The following CDKAL1 variants were observed in gnomAD, a reference collection of about 807,000 sequenced individuals.
The protein encoded by CDKAL1 is CDKAL1 threonylcarbamoyladenosine tRNA methylthiotransferase.
A neutral mutation model predicts 68.2 loss-of-function variants in CDKAL1; 32 were observed. The observed-to-expected ratio is 0.47, with a 90% confidence interval of 0.35 to 0.63. CDKAL1 has a LOEUF of 0.63. Ranked by LOEUF, CDKAL1 falls within the 30% of genes least tolerant of loss-of-function variation. The pLI is 0.00. For synonymous variants in CDKAL1, 234 were observed against 244.3 expected, an observed-to-expected ratio of 0.96 and a Z score of 0.39; for missense variants, 606 against 696.7, an observed-to-expected ratio of 0.87 and a Z score of 1.47.
intron 5 of CDKAL1, among the ~76,000 whole-genome samples, chr6:20,712,505 A>G (rs75185183): frequency 1.4e-5 from 2 of 140,610 alleles, no homozygotes; most frequent in Admixed American, 7.0e-5. Context: ...GATGTGTTAG[A>G]AAAAAAAAAA....
chr6:21,176,512 T>G (rs1174791376), intron 13 of CDKAL1, among the ~76,000 whole-genome samples: 1 of 152,162 alleles, frequency 6.6e-6, no homozygotes, highest in South Asian at 2.1e-4. Flanking sequence ...TAAATTATAG[T>G]CTAAAGGAGA....
intron 5 of CDKAL1, among the ~76,000 whole-genome samples, chr6:20,681,597 T>C (rs1422059487): frequency 1.3e-5 from 2 of 152,144 alleles, no homozygotes; most frequent in Non-Finnish European, 2.9e-5. Flanking sequence ...GTGACATAAC[T>C]GGACTCTGTA....
At chr6:20,560,373 G>A (rs1285017677) in intron 4 of CDKAL1, among the ~76,000 whole-genome samples, 2 of 152,140 alleles carry the variant, frequency 1.3e-5, no homozygotes, top group African/African-American at 2.4e-5. Flanking sequence ...TATGTGTGCT[G>A]AACAGATGTG....
At chr6:20,779,652 T>C (rs1246985046) in intron 7 of CDKAL1, among the ~76,000 whole-genome samples, 3 of 152,256 alleles carry the variant, frequency 2.0e-5, no homozygotes. Flanking sequence ...TGGCGTGATC[T>C]TGGCTCACTG....
intron 4 of CDKAL1, among the ~76,000 whole-genome samples, chr6:20,646,290 C>T (rs755316823): frequency 3.3e-5 from 5 of 151,300 alleles, no homozygotes; most frequent in African/African-American, 7.3e-5. Context: ...CTGCTGACCT[C>T]GTGATCCAGC....
intron 4 of CDKAL1, among the ~76,000 whole-genome samples, chr6:20,613,303 C>T (rs1180260132): frequency 2.0e-5 from 2 of 98,456 alleles, no homozygotes; most frequent in Non-Finnish European, 3.8e-5. Context: ...GAGACGGAGT[C>T]TCGCTCTGTC....
At chr6:20,927,592 A>G (rs529789067) in intron 9 of CDKAL1, among the ~76,000 whole-genome samples, 5 of 152,212 alleles carry the variant, frequency 3.3e-5, no homozygotes, top group Non-Finnish European at 7.3e-5. Context: ...TGCGGTGGAC[A>G]GGAAGATGTA....
intron 4 of CDKAL1, among the ~76,000 whole-genome samples, chr6:20,593,478 C>G (rs527418817): frequency 6.5e-4 from 99 of 152,140 alleles, no homozygotes; most frequent in African/African-American, 2.3e-3. Context: ...ATAGTATTCT[C>G]TGATGATAGT....
intron 4 of CDKAL1, among the ~76,000 whole-genome samples, chr6:20,596,298 ATGGGAGTTTTATCTATAAGCCTCTGAC>A (rs1213592189): frequency 5.3e-5 from 8 of 152,040 alleles, no homozygotes; most frequent in African/African-American, 9.7e-5. Context: ...TCCCAGGGAG[ATGGGAGTTTTATCTATAAGCCTCTGAC>A]TGGGGCTGTT....
chr6:21,074,571 A>G (rs980054162), intron 12 of CDKAL1, among the ~76,000 whole-genome samples: 2 of 152,136 alleles, frequency 1.3e-5, no homozygotes, highest in African/African-American at 4.8e-5. Flanking sequence ...AAAATGCAGA[A>G]ACTTTGGTAA....
intron 9 of CDKAL1, among the ~76,000 whole-genome samples, chr6:20,929,826 A>G (rs1763348621): frequency 6.6e-6 from 1 of 152,196 alleles, no homozygotes; most frequent in South Asian, 2.1e-4. Flanking sequence ...CTCAGTCAAC[A>G]TCTTCTCCCC....
chr6:21,047,052 A>G (rs916692601), intron 11 of CDKAL1, among the ~76,000 whole-genome samples: 1 of 152,126 alleles, frequency 6.6e-6, no homozygotes, highest in African/African-American at 2.4e-5. Flanking sequence ...TTCTAAAAAT[A>G]GAATTGAGCT....
At chr6:20,558,296 T>G (rs1764138985) in intron 4 of CDKAL1, among the ~76,000 whole-genome samples, 1 of 152,210 alleles carries the variant, frequency 6.6e-6, no homozygotes, top group African/African-American at 2.4e-5. Flanking sequence ...GACTCAGCTT[T>G]CTAGGAGGGG....
In CDKAL1 at chr6:21,020,425, T is replaced by G. The variant is rs953942665; in HGVS notation, c.1055+20053T>G. Among the ~76,000 whole-genome samples, 9 of 152,198 alleles carry G rather than the reference T, an allele frequency of 5.9e-5. No homozygotes were observed. The East Asian group carries it at 1.7e-3, about 29-fold the overall frequency. On this transcript the variant is annotated intron_variant, in intron 11 of 15. Coordinates refer to ENST00000274695, the MANE Select transcript of CDKAL1 (RefSeq NM_017774.3). ...AAGGAACTCTGTTAGAGTTCACAGG[T>G]TCACAGGTACTATTACGTACTTCTG...
intron 8 of CDKAL1, among the ~76,000 whole-genome samples, chr6:20,781,597 G>A (rs972724443): frequency 6.6e-6 from 1 of 151,950 alleles, no homozygotes; most frequent in Non-Finnish European, 1.5e-5. Flanking sequence ...TGTCATATTC[G>A]ACTGTTTTTT....
At chr6:21,170,156 G>A (rs113075303) in intron 13 of CDKAL1, among the ~76,000 whole-genome samples, 1 of 152,174 alleles carries the variant, frequency 6.6e-6, no homozygotes, top group African/African-American at 2.4e-5. Context: ...CTGATAAAAT[G>A]CTGGAAGCAT....
intron 5 of CDKAL1, among the ~76,000 whole-genome samples, chr6:20,694,033 C>T (rs191206630): frequency 3.5e-5 from 5 of 144,310 alleles, no homozygotes; most frequent in Admixed American, 1.4e-4. Context: ...CTAACACACC[C>T]GGCTAACTTT....
intron 12 of CDKAL1, among the ~76,000 whole-genome samples, chr6:21,076,911 T>C (rs1036346103): frequency 3.3e-4 from 51 of 152,290 alleles, no homozygotes; most frequent in African/African-American, 1.2e-3. Flanking sequence ...TTGTTGTATC[T>C]GGATTTCAGC....
intron 9 of CDKAL1, among the ~76,000 whole-genome samples, chr6:20,901,662 G>C (rs1462084106): frequency 3.2e-5 from 4 of 125,590 alleles, no homozygotes; most frequent in Non-Finnish European, 6.5e-5. Context: ...GCCTGGGCAA[G>C]AGTGCGAGAC....
Sources: gnomAD v4.1 joint callset for allele counts (sites outside exome capture counted in the v4.1 genomes callset) on GRCh38, gnomAD v4.1.1 for gene constraint, MANE v1.5 for transcripts, NCBI Gene and HGNC (gene_info 2026-07-23, HGNC 2026-07-21) for gene names.